Variants in COBL observed in about 807,000 individuals in gnomAD.
The protein encoded by COBL is protein cordon-bleu.
Under a neutral mutation model 98.8 loss-of-function variants are expected in COBL, and 51 were observed. The ratio of observed to expected loss-of-function variants is 0.52; its 90% confidence interval spans 0.41 to 0.65. The LOEUF is 0.65. COBL is among the 30% of genes least tolerant of loss of function. The probability of loss-of-function intolerance (pLI) is 0.00; values close to 1 mark genes in which losing one functional copy is unlikely to be tolerated. For missense variants in COBL, 1,617 were observed against 1,617.5 expected, an observed-to-expected ratio of 1.00 and a Z score of 0.01; for synonymous variants, 634 against 651.7, an observed-to-expected ratio of 0.97 and a Z score of 0.41.
chr7:51,107,651 G>A (rs1796435970), intron 6 of COBL, among the ~76,000 whole-genome samples: 1 of 152,078 alleles, frequency 6.6e-6, no homozygotes, highest in African/African-American at 2.4e-5. Context: ...TATACAAGTT[G>A]CCAATCACCA....
At chr7:51,150,141 C>T (rs915140012) in intron 5 of COBL, among the ~76,000 whole-genome samples, 13 of 152,178 alleles carry the variant, frequency 8.5e-5, no homozygotes, top group Non-Finnish European at 1.5e-4. Flanking sequence ...AGCCGAGCCC[C>T]TCTGAGCTAC....
At chr7:51,100,751 A>C (rs1795729959) in intron 6 of COBL, among the ~76,000 whole-genome samples, 2 of 152,074 alleles carry the variant, frequency 1.3e-5, no homozygotes, top group Admixed American at 1.3e-4. Flanking sequence ...AAATACAAAA[A>C]AATTATCAGG....
At chr7:51,165,285 T>A (rs1033368672) in intron 5 of COBL, among the ~76,000 whole-genome samples, 13 of 152,072 alleles carry the variant, frequency 8.5e-5, no homozygotes, top group Middle Eastern at 3.4e-3. Flanking sequence ...AGATATTCCA[T>A]GCCAATGGAA....
intron 7 of COBL, among the ~76,000 whole-genome samples, chr7:51,054,125 G>A (rs6964236): frequency 0.048 from 7,345 of 152,266 alleles, 596 homozygotes; most frequent in African/African-American, 0.17. Flanking sequence ...AGGTTGCAGT[G>A]AGCTGGGATC....
At chr7:51,213,240 G>A (rs1043649724) in intron 2 of COBL, among the ~76,000 whole-genome samples, 4 of 152,120 alleles carry the variant, frequency 2.6e-5, no homozygotes, top group African/African-American at 7.2e-5. Context: ...TGCCACAGAC[G>A]AGGACCAGTC....
chr7:51,287,263 A>G (rs1386057197), intron 1 of COBL, among the ~76,000 whole-genome samples: 1 of 152,208 alleles, frequency 6.6e-6, no homozygotes, highest in Non-Finnish European at 1.5e-5. Flanking sequence ...AAATCAAAAA[A>G]TAAAAACAAT....
At chr7:51,207,237 ATT>A (rs199763616) in intron 2 of COBL, among the ~76,000 whole-genome samples, 155 of 143,188 alleles carry the variant, frequency 1.1e-3, no homozygotes, top group African/African-American at 2.7e-3. Context: ...TACAGCGGAC[ATT>A]TTTTTTTTTT....
At chr7:51,265,763 C>T (rs1798147205) in intron 1 of COBL, among the ~76,000 whole-genome samples, 1 of 152,186 alleles carries the variant, frequency 6.6e-6, no homozygotes, top group Admixed American at 6.5e-5. Flanking sequence ...GGCTCTCAGG[C>T]TTCTATGACA....
chr7:51,316,307 C>G, intron 1 of COBL: 1 of 276,364 alleles, frequency 3.6e-6, no homozygotes, highest in East Asian at 6.5e-5. Flanking sequence ...TGGCGGGGAC[C>G]CCCATAAGGA....
chr7:51,260,039 T>C, intron 1 of COBL: 2 of 874,374 alleles, frequency 2.3e-6, no homozygotes, highest in Non-Finnish European at 3.8e-6. Flanking sequence ...GCCCTTTTCC[T>C]TTCCTCTGCT....
Position 51,026,811 on chromosome 7 carries a change from T to C in COBL, c.3385-146A>G, listed in dbSNP as rs186308206. 4.5e-4 allele frequency: 474 copies of C among 1,052,578 alleles called. 4 individuals are homozygous for C. The African/African-American group carries it at 5.5e-3, about 12-fold the overall frequency. 65.2% of individuals were successfully genotyped at this position (1,052,578 alleles called of 1,614,324 possible). A position where few individuals can be genotyped will look rare whatever the true frequency, so the allele number is the denominator to read the frequency against. ...TACTCGGGAGGCTGTGGCACCAGAA[T>C]TGTTTGAACCCGGGAGGCAGAGGTT... On this transcript the variant is annotated intron_variant, in intron 10 of 12. Transcript: ENST00000265136.
At chr7:51,212,085 T>C (rs761070790) in intron 2 of COBL, among the ~76,000 whole-genome samples, 1 of 152,212 alleles carries the variant, frequency 6.6e-6, no homozygotes, top group Non-Finnish European at 1.5e-5. Context: ...TTACCTCTGT[T>C]ACCCCAAATG....
chr7:51,256,155 T>G (rs1584322754), intron 1 of COBL, among the ~76,000 whole-genome samples: 1 of 151,086 alleles, frequency 6.6e-6, no homozygotes, highest in Non-Finnish European at 1.5e-5. Context: ...AAGGCAGGAG[T>G]GTTTCCAGGC....
intron 6 of COBL, among the ~76,000 whole-genome samples, chr7:51,112,664 G>A (rs753137134): frequency 3.0e-4 from 45 of 152,142 alleles, no homozygotes; most frequent in Non-Finnish European, 5.6e-4. Flanking sequence ...GCACCTTTGG[G>A]TCTCATCAGA....
intron 6 of COBL, among the ~76,000 whole-genome samples, chr7:51,091,759 A>G (rs1398073145): frequency 6.6e-6 from 1 of 152,230 alleles, no homozygotes; most frequent in Admixed American, 6.5e-5. Flanking sequence ...AGACAAAGAA[A>G]GAAACTTGAA....
chr7:51,301,875 T>C (rs543305268), intron 1 of COBL, among the ~76,000 whole-genome samples: 3 of 152,306 alleles, frequency 2.0e-5, no homozygotes, highest in East Asian at 1.9e-4. Flanking sequence ...AGTCAGTCCA[T>C]GCCTGCCTCT....
In COBL at chr7:51,017,099, G is replaced by T. The variant is rs1179411008; in HGVS notation, c.*452C>A. 15 of 423,034 alleles carry T rather than the reference G, an allele frequency of 3.5e-5. No homozygotes were observed. The South Asian group carries it at 7.4e-4, about 21-fold the overall frequency. 26.2% of individuals were successfully genotyped at this position (423,034 alleles called of 1,614,324 possible). Reference sequence around the variant, plus strand: ...TCATGGAGCATATCACATTCAGATTGTTCCATCTGATTCATATGTTTTTTC... The same window carrying T: ...TCATGGAGCATATCACATTCAGATTTTTCCATCTGATTCATATGTTTTTTC... On this transcript the variant is annotated 3_prime_UTR_variant, in exon 13 of 13. Transcript: ENST00000265136.
intron 1 of COBL, among the ~76,000 whole-genome samples, chr7:51,312,708 C>T (rs768697873): frequency 1.3e-5 from 2 of 152,098 alleles, no homozygotes; most frequent in African/African-American, 4.8e-5. Flanking sequence ...TGGGGGCTGT[C>T]GCTCTGCCTG....
intron 1 of COBL, among the ~76,000 whole-genome samples, chr7:51,262,572 C>T (rs919254796): frequency 4.6e-5 from 7 of 152,304 alleles, no homozygotes; most frequent in East Asian, 1.9e-4. Flanking sequence ...TGGGAAGTCA[C>T]GACAGGCAGC....
Sources: gnomAD v4.1 joint callset for allele counts (sites outside exome capture counted in the v4.1 genomes callset) on GRCh38, gnomAD v4.1.1 for gene constraint, MANE v1.5 for transcripts, NCBI Gene and HGNC (gene_info 2026-07-23, HGNC 2026-07-21) for gene names.